The following MASTL variants were observed in gnomAD, a reference collection of about 807,000 sequenced individuals.
MASTL encodes microtubule associated serine/threonine kinase like.
Under a neutral mutation model 82.5 loss-of-function variants are expected in MASTL, and 54 were observed. The ratio of observed to expected loss-of-function variants is 0.65; its 90% CI spans 0.53 to 0.82. MASTL has a LOEUF of 0.82. MASTL is among the 40% of genes least tolerant of loss of function. The pLI is 0.00. For synonymous variants in MASTL, 323 were observed against 368.9 expected (o/e 0.88, Z 1.43); for missense variants, 950 against 1,047.8 (o/e 0.91, Z 1.29).
At chr10:27,156,170 G>A (rs1204627229) in intron 1 of MASTL, among the ~76,000 whole-genome samples, 1 of 151,800 alleles carries the variant, frequency 6.6e-6, no homozygotes, top group Non-Finnish European at 1.5e-5. Context: ...ACGCCCGGCT[G>A]ATTTTTTGTA....
chr10:27,156,140 G>A lies in MASTL; in HGVS notation c.186+528G>A, dbSNP rs7074443. 3.2e-3 allele frequency among the ~76,000 whole-genome samples: 486 copies of A among 152,322 alleles called. 2 individuals are homozygous for A. Among genetic ancestry groups the A allele is most frequent in the African/African-American group, 0.011 (461 of 41,558 alleles). ...CTGCCTCGGCCTCCCGACGAGCTGG[G>A]ACTACAAGCGCCCGTCACCACGCCC... On this transcript the variant is annotated intron_variant, in intron 1 of 11. Transcript: ENST00000375940.
At position 27,181,155 on chromosome 10, in the gene MASTL, C is replaced by T. The variant is rs1480642177; in HGVS notation, c.2380+89C>T. ...ATCCCAGCACTTTGGGAGGCCAAGG[C>T]GGGTGGATCGCCTGAGGTCAGGAGT... On this transcript the variant is annotated intron_variant, in intron 10 of 11. Coordinates refer to ENST00000375940, the MANE Select transcript of MASTL (RefSeq NM_001172303.3). 9.5e-6 allele frequency: 9 copies of T among 951,460 alleles called. No homozygotes were observed. The East Asian group carries it at 1.5e-4, about 16-fold the overall frequency. 58.9% of individuals were successfully genotyped at this position (951,460 alleles called of 1,614,324 possible).
chr10:27,179,154 T>C (rs2058194995), intron 9 of MASTL, among the ~76,000 whole-genome samples: 1 of 152,246 alleles, frequency 6.6e-6, no homozygotes. Context: ...ATTGAAGTTA[T>C]CCATTTTTGA....
chr10:27,182,591 A>G (rs2058384886), intron 11 of MASTL, among the ~76,000 whole-genome samples: 1 of 152,080 alleles, frequency 6.6e-6, no homozygotes, highest in South Asian at 2.1e-4. Flanking sequence ...AAAAAATACA[A>G]AAAATAGCCA....
At chr10:27,176,773 A>C (rs1334317852) in intron 9 of MASTL, among the ~76,000 whole-genome samples, 1 of 152,044 alleles carries the variant, frequency 6.6e-6, no homozygotes, top group Non-Finnish European at 1.5e-5. Context: ...CTGTGTTGTA[A>C]CTAATTGTTT....
rs1339692154 is a variant in MASTL at position 27,170,797 on chromosome 10, A to C, written c.1838A>C (p.Asp613Ala). Residue 613 changes from aspartate (D) to alanine (A), a missense_variant, in exon 8 of 12, where the codon GAT becomes GCT. By Grantham distance (126) the Asp-to-Ala change is moderately radical (BLOSUM62 -2). Transcript: ENST00000375940. Reference protein sequence around the residue: ...NIEDPLIVTPDCQEKTSPKGV... With the variant: ...NIEDPLIVTPACQEKTSPKGV... ...GAAGATCCACTTATTGTAACACCAG[A>C]TTGCCAAGAAAAGACCTCACCAAAA... 6.2e-7 allele frequency: 1 copy of C among 1,614,150 alleles called. No homozygotes were observed. Among genetic ancestry groups the C allele is most frequent in the African/African-American group, 1.3e-5 (1 of 75,058 alleles).
chr10:27,180,112 A>G lies in MASTL; in HGVS notation c.2267-841A>G, dbSNP rs562059449. Reference sequence around the variant, plus strand: ...CTTTTGATTATACCAAAATGTTCACATACTAATGTTGCAGATAGTGACTAT... The same window carrying G: ...CTTTTGATTATACCAAAATGTTCACGTACTAATGTTGCAGATAGTGACTAT... On this transcript the variant is annotated intron_variant, in intron 9 of 11. Coordinates refer to ENST00000375940, the MANE Select transcript of MASTL (RefSeq NM_001172303.3). Among the ~76,000 whole-genome samples, 29 of 152,378 alleles carry G rather than the reference A, an allele frequency of 1.9e-4. 1 individual carries two copies. The highest frequency in any genetic ancestry group is 6.7e-4 in the African/African-American group (28 of 41,592).
chr10:27,158,601 C>T lies in MASTL; in HGVS notation c.239C>T (p.Ala80Val), dbSNP rs1014629380. 2.5e-6 allele frequency: 4 copies of T among 1,612,254 alleles called. No individual in the cohort carries two copies. The African/African-American group carries it at 5.3e-5, about 22-fold the overall frequency. The stretch of plus-strand genomic sequence containing the variant: ...AAAAATATGACTCATCAGGTCCAAG[C>T]TGAGAGAGATGCACTGGCACTAAGC... ...INKNMTHQVQ[A>V]ERDALALSKS... is the part of the protein sequence containing the mutation. Residue 80 changes from alanine to valine, a missense_variant, in exon 2 of 12, where the codon GCT becomes GTT. Ala to Val is a moderately conservative substitution (Grantham distance 64, BLOSUM62 0). Transcript: ENST00000375940.
intron 9 of MASTL, among the ~76,000 whole-genome samples, chr10:27,180,400 C>G (rs9335435): frequency 1.8e-5 from 1 of 55,170 alleles, no homozygotes; most frequent in East Asian, 5.8e-4. Flanking sequence ...CTTTTCTTTT[C>G]TTTTTTTTTG....
At chr10:27,154,501 C>T, upstream of MASTL, 1 of 537,654 alleles carries the variant, frequency 1.9e-6, no homozygotes, top group Non-Finnish European at 3.3e-6. Flanking sequence ...TTACAAGGAG[C>T]AGCGCCCCCA....
rs200109566 is a variant in MASTL at position 27,159,770 on chromosome 10, C to T, written c.464+12C>T. ...GGAATCATCCACAGGTAAAGACTGACTTCTCCAAATTATTACTTAAAAATT... is the reference window on the plus strand; with the variant it reads ...GGAATCATCCACAGGTAAAGACTGATTTCTCCAAATTATTACTTAAAAATT... On this transcript the variant is annotated intron_variant, in intron 3 of 11. Coordinates refer to ENST00000375940, the MANE Select transcript of MASTL (RefSeq NM_001172303.3). The surrounding 1 kb of genome is among the most constrained non-coding windows in gnomAD (Gnocchi z 4.0). 20 of 1,607,006 alleles carry T rather than the reference C, an allele frequency of 1.2e-5. No individual in the cohort carries two copies. In the East Asian group the frequency reaches 4.5e-4, roughly 36 times the overall value.
rs191361339 is a variant in MASTL at position 27,160,149 on chromosome 10, T to G, written c.464+391T>G. ...TGTCTGGGAGTAGAGGTGTGTGCCA[T>G]TACTCTTGGCTTTTTTTTTTTTTTT... is the stretch of plus-strand genomic sequence containing the variant. On this transcript the variant is annotated intron_variant, in intron 3 of 11. Transcript: ENST00000375940. Among the ~76,000 whole-genome samples, 623 of 139,792 alleles carry G rather than the reference T, an allele frequency of 4.5e-3. 3 individuals carry two copies. The highest frequency in any genetic ancestry group is 0.016 in the African/African-American group (600 of 38,572). 91.7% of individuals were successfully genotyped at this position (139,792 alleles called of 152,430 possible).
chr10:27,163,718 C>T (rs1398049167), intron 4 of MASTL, among the ~76,000 whole-genome samples: 1 of 151,698 alleles, frequency 6.6e-6, no homozygotes, highest in Non-Finnish European at 1.5e-5. Flanking sequence ...GCAAGCTCTA[C>T]CTCCTGGGTT....
chr10:27,166,515 G>A (rs1056273802), intron 6 of MASTL, among the ~76,000 whole-genome samples: 3 of 152,114 alleles, frequency 2.0e-5, no homozygotes, highest in Non-Finnish European at 2.9e-5. Flanking sequence ...GTTCATACCT[G>A]TAAGTACAGC....
intron 4 of MASTL, 86 bp from the exon 5 acceptor site, chr10:27,164,978 T>G (rs566754232): frequency 7.2e-5 from 65 of 905,782 alleles, no homozygotes; most frequent in Non-Finnish European, 9.8e-5. Flanking sequence ...AAAAATTGTT[T>G]TGTTGTCATA....
At chr10:27,185,431 G>A (rs1407382936) in intron 11 of MASTL, among the ~76,000 whole-genome samples, 3 of 151,630 alleles carry the variant, frequency 2.0e-5, no homozygotes, top group Non-Finnish European at 4.4e-5. Flanking sequence ...TCGGGAGTTC[G>A]AGACCAGCCT....
intron 11 of MASTL, 136 bp downstream of exon 11, chr10:27,181,717 G>C (rs2058320346): frequency 1.6e-6 from 1 of 611,528 alleles, no homozygotes; most frequent in Non-Finnish European, 3.0e-6. Context: ...GAGGCGGGCT[G>C]ATCACAAGGT....
At position 27,167,092 on chromosome 10, in the gene MASTL, T is replaced by C. The variant is rs1347255650; in HGVS notation, c.812-10T>C. ...GTAACATGGAATTCAATATTGTCTCTTCTCTATAGGTCTTGAAACAGTTGC... is the reference window on the plus strand; with the variant it reads ...GTAACATGGAATTCAATATTGTCTCCTCTCTATAGGTCTTGAAACAGTTGC... On this transcript the variant is annotated splice_polypyrimidine_tract_variant and intron_variant, in intron 6 of 11. Transcript: ENST00000375940. The C allele has an allele frequency of 3.1e-6, 5 of 1,609,610 alleles. No individual in the cohort carries two copies. In the South Asian group the frequency reaches 5.5e-5, roughly 18 times the overall value.
intron 4 of MASTL, among the ~76,000 whole-genome samples, chr10:27,164,461 C>T (rs1588667637): frequency 6.6e-6 from 1 of 152,126 alleles, no homozygotes; most frequent in African/African-American, 2.4e-5. Context: ...CTTCTCTTAC[C>T]ATTTTTTATA....
Sources: gnomAD v4.1 joint callset for allele counts (sites outside exome capture counted in the v4.1 genomes callset) on GRCh38, gnomAD v4.1.1 for gene constraint, Gnocchi (gnomAD v3.1) non-coding constraint, MANE v1.5 for transcripts, NCBI Gene and HGNC (gene_info 2026-07-23, HGNC 2026-07-21) for gene names.